Variants in KATNIP observed in about 807,000 individuals in gnomAD.
The protein encoded by KATNIP is katanin interacting protein, also known as katanin-interacting protein.
Under a neutral mutation model 174.0 loss-of-function variants are expected in KATNIP, and 126 were observed. That is an observed-to-expected ratio of 0.72 (90% CI 0.63 to 0.84). The LOEUF (loss-of-function observed/expected upper bound fraction) is 0.84, where lower values mean the gene tolerates loss of function less well. KATNIP is among the 40% of genes least tolerant of loss of function. KATNIP has a pLI of 0.00. For synonymous variants in KATNIP, 810 were observed against 835.7 expected, an observed-to-expected ratio of 0.97 and a Z score of 0.53; for missense variants, 1,958 against 2,109.7, an observed-to-expected ratio of 0.93 and a Z score of 1.41.
intron 12 of KATNIP, among the ~76,000 whole-genome samples, chr16:27,705,689 T>C (rs2079271516): frequency 6.6e-6 from 1 of 152,062 alleles, no homozygotes; most frequent in Non-Finnish European, 1.5e-5. Context: ...AATTAATTAA[T>C]TTTAGAGACA....
intron 2 of KATNIP, among the ~76,000 whole-genome samples, chr16:27,611,974 C>T (rs2075904513): frequency 6.6e-6 from 1 of 152,012 alleles, no homozygotes; most frequent in African/African-American, 2.4e-5. Context: ...CCGAGCTGGC[C>T]CTTGGAGAGT....
At chr16:27,634,772 CA>C (rs1465672478) in intron 5 of KATNIP, among the ~76,000 whole-genome samples, 12 of 152,226 alleles carry the variant, frequency 7.9e-5, no homozygotes, top group Non-Finnish European at 1.5e-4. Flanking sequence ...AAATCACACC[CA>C]GAACCCAAGC....
chr16:27,708,268 C>T (rs2079411088), intron 12 of KATNIP, among the ~76,000 whole-genome samples: 1 of 152,020 alleles, frequency 6.6e-6, no homozygotes, highest in Non-Finnish European at 1.5e-5. Context: ...AGGAATCCTC[C>T]GAGCTTGGCC....
At chr16:27,622,351 C>T (rs1337293554) in intron 3 of KATNIP, among the ~76,000 whole-genome samples, 1 of 152,150 alleles carries the variant, frequency 6.6e-6, no homozygotes, top group African/African-American at 2.4e-5. Flanking sequence ...GATGTGACAG[C>T]CTTGCCTCAC....
intron 13 of KATNIP, among the ~76,000 whole-genome samples, chr16:27,719,778 T>G (rs2080135075): frequency 6.6e-6 from 1 of 151,428 alleles, no homozygotes; most frequent in African/African-American, 2.4e-5. Context: ...CAAGCAATCC[T>G]ACCACTTCAG....
intron 15 of KATNIP, among the ~76,000 whole-genome samples, chr16:27,748,873 C>T (rs1214202913): frequency 3.9e-5 from 6 of 152,106 alleles, no homozygotes; most frequent in African/African-American, 9.7e-5. Flanking sequence ...AAAGTCCTTC[C>T]TGCTCCCCAC....
chr16:27,684,308 G>GC (rs903060145), intron 8 of KATNIP, among the ~76,000 whole-genome samples: 1 of 152,136 alleles, frequency 6.6e-6, no homozygotes, highest in African/African-American at 2.4e-5. Context: ...GAGAACCTGG[G>GC]CTGCAGAATC....
At chr16:27,701,554 T>G in intron 10 of KATNIP, 35 bp from the exon 11 acceptor site, 7 of 1,514,202 alleles carry the variant, frequency 4.6e-6, no homozygotes, top group Non-Finnish European at 6.3e-6. Flanking sequence ...GAGTGTTGCC[T>G]GAGACATCTG....
intron 2 of KATNIP, among the ~76,000 whole-genome samples, chr16:27,597,064 C>T (rs1166203259): frequency 6.6e-6 from 1 of 151,828 alleles, no homozygotes. Context: ...CATGATGGTG[C>T]GTGCTGTGGT....
intron 8 of KATNIP, among the ~76,000 whole-genome samples, chr16:27,686,818 A>G (rs1015179530): frequency 2.0e-5 from 3 of 152,130 alleles, no homozygotes; most frequent in Non-Finnish European, 2.9e-5. Flanking sequence ...TTTACTTTAA[A>G]TTAGCAAGTT....
At chr16:27,583,817 A>T (rs951780734) in intron 2 of KATNIP, among the ~76,000 whole-genome samples, 1 of 152,190 alleles carries the variant, frequency 6.6e-6, no homozygotes, top group Non-Finnish European at 1.5e-5. Flanking sequence ...TCAGGGGTGG[A>T]CATCAGGCAT....
At chr16:27,698,277 G>A (rs1412128156) in intron 8 of KATNIP, 51 bp from the exon 9 acceptor site, 20 of 1,547,148 alleles carry the variant, frequency 1.3e-5, no homozygotes, top group Non-Finnish European at 1.7e-5. Context: ...GTTGTGAGCT[G>A]CACTCCGAGA....
chr16:27,597,741 C>G (rs1267910474), intron 2 of KATNIP, among the ~76,000 whole-genome samples: 1 of 152,104 alleles, frequency 6.6e-6, no homozygotes, highest in Non-Finnish European at 1.5e-5. Context: ...GGTGTCTTGT[C>G]TCAGTGGATA....
chr16:27,662,241 C>A (rs2077552209), intron 6 of KATNIP, among the ~76,000 whole-genome samples: 1 of 151,034 alleles, frequency 6.6e-6, no homozygotes, highest in Non-Finnish European at 1.5e-5. Context: ...GCCTAATTCA[C>A]AATTTCCTGT....
chr16:27,751,766 A>G lies in KATNIP; in HGVS notation c.3394A>G (p.Ile1132Val), dbSNP rs780104285. 1 of 1,614,218 alleles carries G rather than the reference A, an allele frequency of 6.2e-7. No individual in the cohort carries two copies. The highest frequency in any genetic ancestry group is 8.5e-7 in the Non-Finnish European group (1 of 1,180,042). Residue 1132 changes from isoleucine to valine, a missense_variant, in exon 17 of 28, where the codon ATT (isoleucine) becomes GTT (valine). Transcript: ENST00000261588. ...DTILFTTDDDILEAIFYSDEM... is the reference protein window; with the variant it reads ...DTILFTTDDDVLEAIFYSDEM... ...GATCTTATTCACAACCGATGATGACATTCTCGAGGCCATATTCTATTCTGA... is the reference window on the plus strand; with the variant it reads ...GATCTTATTCACAACCGATGATGACGTTCTCGAGGCCATATTCTATTCTGA...
intron 5 of KATNIP, among the ~76,000 whole-genome samples, chr16:27,638,714 G>T (rs1231365123): frequency 6.6e-6 from 1 of 152,164 alleles, no homozygotes; most frequent in Non-Finnish European, 1.5e-5. Flanking sequence ...GGGACACCGT[G>T]GTGGGATGCA....
At chr16:27,566,351 C>T (rs2090087845) in intron 1 of KATNIP, among the ~76,000 whole-genome samples, 1 of 152,058 alleles carries the variant, frequency 6.6e-6, no homozygotes, top group Admixed American at 6.6e-5. Flanking sequence ...CCAGCCTGGC[C>T]AACATGGCAA....
chr16:27,639,912 C>A (rs2076743872), intron 5 of KATNIP, among the ~76,000 whole-genome samples: 1 of 151,744 alleles, frequency 6.6e-6, no homozygotes, highest in South Asian at 2.1e-4. Context: ...CCTCCCAACC[C>A]TAGACCTACC....
chr16:27,685,786 C>T (rs2078501763), intron 8 of KATNIP, among the ~76,000 whole-genome samples: 2 of 152,174 alleles, frequency 1.3e-5, no homozygotes, highest in South Asian at 4.1e-4. Flanking sequence ...GCTGAAAAGC[C>T]TGGCATTGTC....
Sources: allele counts gnomAD v4.1 joint callset (sites outside exome capture counted in the v4.1 genomes callset), GRCh38; gene constraint gnomAD v4.1.1; transcripts MANE v1.5; gene names NCBI Gene and HGNC (gene_info 2026-07-23, HGNC 2026-07-21).